Variants in ZNF804B observed in about 807,000 individuals in gnomAD.
ZNF804B encodes the protein zinc finger protein 804B.
Under a neutral mutation model 101.4 loss-of-function variants are expected in ZNF804B, and 80 were observed. The ratio of observed to expected loss-of-function variants is 0.79; its 90% CI spans 0.66 to 0.95. ZNF804B has a LOEUF of 0.95. ZNF804B is among the 40% of genes least tolerant of loss of function. The probability of loss-of-function intolerance (pLI) is 0.00; values close to 1 mark genes in which losing one functional copy is unlikely to be tolerated. For missense variants in ZNF804B, 1,673 were observed against 1,561.9 expected (o/e 1.07, Z -1.20); for synonymous variants, 622 against 558.8 (o/e 1.11, Z -1.59).
chr7:89,052,067 T>C (rs1295799910), intron 1 of ZNF804B, among the ~76,000 whole-genome samples: 1 of 152,138 alleles, frequency 6.6e-6, no homozygotes, highest in Non-Finnish European at 1.5e-5. Flanking sequence ...TTTTATGGAT[T>C]ATGCATTTTC....
intron 1 of ZNF804B, among the ~76,000 whole-genome samples, chr7:88,894,827 A>G (rs1792263869): frequency 1.3e-5 from 2 of 152,120 alleles, no homozygotes; most frequent in Admixed American, 1.3e-4. Context: ...ATAAAAATAG[A>G]TCAGAGGTTT....
chr7:88,762,432 A>ACCT (rs1209415607), intron 1 of ZNF804B, among the ~76,000 whole-genome samples: 5 of 152,194 alleles, frequency 3.3e-5, no homozygotes, highest in African/African-American at 1.2e-4. Flanking sequence ...GGTGAAGTGG[A>ACCT]TCACTACCTT....
chr7:89,017,156 A>G (rs1037140580), intron 1 of ZNF804B, among the ~76,000 whole-genome samples: 40 of 152,148 alleles, frequency 2.6e-4, no homozygotes, highest in Non-Finnish European at 5.4e-4. Context: ...TTGGTGTATA[A>G]GAATGCTTGT....
At chr7:88,939,893 T>C (rs1218793724) in intron 1 of ZNF804B, among the ~76,000 whole-genome samples, 1 of 151,842 alleles carries the variant, frequency 6.6e-6, no homozygotes, top group African/African-American at 2.4e-5. Context: ...CCAAAATACA[T>C]GATAAAGATG....
In ZNF804B at chr7:88,831,005, G is replaced by T. The variant is rs192747979; in HGVS notation, c.108+70921G>T. ...ATATATGTTGCAAATATTTTAGTTT[G>T]TCAGTTTTATTTAGATTAAAAAATT... On this transcript the variant is annotated intron_variant, in intron 1 of 3. Transcript: ENST00000333190. 4.0e-5 allele frequency among the ~76,000 whole-genome samples: 6 copies of T among 151,786 alleles called. No individual in the cohort carries two copies. The East Asian group carries it at 1.2e-3, about 29-fold the overall frequency.
intron 2 of ZNF804B, among the ~76,000 whole-genome samples, chr7:89,252,950 T>C (rs1789564955): frequency 6.6e-6 from 1 of 152,150 alleles, no homozygotes; most frequent in African/African-American, 2.4e-5. Flanking sequence ...CGGGAATCTA[T>C]CGATCCCAAA....
chr7:88,812,619 A>G (rs955481770), intron 1 of ZNF804B, among the ~76,000 whole-genome samples: 1 of 152,204 alleles, frequency 6.6e-6, no homozygotes, highest in Non-Finnish European at 1.5e-5. Context: ...ACACAACTGG[A>G]CACTGATGAA....
At chr7:89,210,925 T>C (rs1388458046) in intron 1 of ZNF804B, among the ~76,000 whole-genome samples, 9 of 152,216 alleles carry the variant, frequency 5.9e-5, no homozygotes, top group Admixed American at 4.6e-4. Context: ...ACTACACTGT[T>C]TTCCACAATG....
chr7:88,988,775 T>C lies in ZNF804B; in HGVS notation c.108+228691T>C, dbSNP rs1024409632. ...AGTATCTCTATAGGGAGAAGGAAGG[T>C]TAATATATGAGTAAGACTAAAGGAA... is the stretch of plus-strand genomic sequence containing the variant. On this transcript the variant is annotated intron_variant, in intron 1 of 3. Coordinates refer to ENST00000333190, the MANE Select transcript of ZNF804B (RefSeq NM_181646.5). Among the ~76,000 whole-genome samples the C allele has an allele frequency of 2.0e-5, 3 of 151,958 alleles. No individual in the cohort carries two copies. In the South Asian group the frequency reaches 6.2e-4, roughly 32 times the overall value.
intron 1 of ZNF804B, among the ~76,000 whole-genome samples, chr7:89,020,632 AT>A (rs1788652179): frequency 6.6e-6 from 1 of 152,032 alleles, no homozygotes; most frequent in Admixed American, 6.6e-5. Flanking sequence ...TTCAGCTATT[AT>A]TTCATTTAAT....
intron 1 of ZNF804B, among the ~76,000 whole-genome samples, chr7:89,179,711 T>C (rs1788266983): frequency 6.6e-6 from 1 of 152,200 alleles, no homozygotes; most frequent in Admixed American, 6.5e-5. Flanking sequence ...TGTTCATCAA[T>C]GTGTGGGCAT....
At chr7:89,228,699 G>T (rs1013822086) in intron 2 of ZNF804B, among the ~76,000 whole-genome samples, 1 of 152,214 alleles carries the variant, frequency 6.6e-6, no homozygotes, top group Admixed American at 6.5e-5. Flanking sequence ...AGCCCAGCTG[G>T]CTTCACCCAG....
intron 1 of ZNF804B, among the ~76,000 whole-genome samples, chr7:88,824,251 G>A (rs765044592): frequency 6.6e-6 from 1 of 152,134 alleles, no homozygotes; most frequent in Non-Finnish European, 1.5e-5. Flanking sequence ...CCCACATGTT[G>A]TGGAAGGGAC....
chr7:88,873,523 T>C (rs1256870756), intron 1 of ZNF804B, among the ~76,000 whole-genome samples: 5 of 152,196 alleles, frequency 3.3e-5, no homozygotes, highest in Non-Finnish European at 5.9e-5. Context: ...CTTTTGGTGT[T>C]TTAGACATGA....
intron 1 of ZNF804B, among the ~76,000 whole-genome samples, chr7:88,837,330 C>A (rs1317365900): frequency 1.3e-5 from 2 of 151,814 alleles, no homozygotes; most frequent in African/African-American, 4.8e-5. Flanking sequence ...CAAATGAAAT[C>A]GAAATTTTGG....
chr7:89,129,519 G>A (rs1299376932), intron 1 of ZNF804B, among the ~76,000 whole-genome samples: 1 of 151,904 alleles, frequency 6.6e-6, no homozygotes, highest in Non-Finnish European at 1.5e-5. Context: ...TTTCTAGCTG[G>A]ACTAAGGCTT....
intron 1 of ZNF804B, among the ~76,000 whole-genome samples, chr7:88,816,145 C>A (rs1790873153): frequency 6.6e-6 from 1 of 152,126 alleles, no homozygotes; most frequent in Non-Finnish European, 1.5e-5. Flanking sequence ...TGCTCAGACT[C>A]CGTTACCCCA....
At chr7:88,823,232 C>A (rs531916722) in intron 1 of ZNF804B, among the ~76,000 whole-genome samples, 16 of 151,976 alleles carry the variant, frequency 1.1e-4, no homozygotes, top group Non-Finnish European at 4.4e-5. Flanking sequence ...AAACAAAAAA[C>A]CAATACATAT....
chr7:89,283,413 G>A lies in ZNF804B; in HGVS notation c.250-43931G>A, dbSNP rs116985676. On this transcript the variant is annotated intron_variant, in intron 2 of 3. Coordinates refer to ENST00000333190, the MANE Select transcript of ZNF804B (RefSeq NM_181646.5). ...GTAAAAAAACTATAAATGTGTATGT[G>A]TATTAGAGCCCATTAACACTATATC... Among the ~76,000 whole-genome samples the A allele has an allele frequency of 3.5e-4, 53 of 152,202 alleles. No individual in the cohort carries two copies. In the East Asian group the frequency reaches 9.7e-3, roughly 28 times the overall value.
Sources: gnomAD v4.1 joint callset for allele counts (sites outside exome capture counted in the v4.1 genomes callset) on GRCh38, gnomAD v4.1.1 for gene constraint, MANE v1.5 for transcripts, NCBI Gene and HGNC (gene_info 2026-07-23, HGNC 2026-07-21) for gene names.